The following CDKAL1 variants were observed in gnomAD, a reference collection of about 807,000 sequenced individuals.
CDKAL1 encodes the protein CDKAL1 threonylcarbamoyladenosine tRNA methylthiotransferase.
Under a neutral mutation model 68.2 loss-of-function variants are expected in CDKAL1, and 32 were observed. That is an observed-to-expected ratio of 0.47 (90% CI 0.35 to 0.63). The LOEUF (loss-of-function observed/expected upper bound fraction) is 0.63, where lower values mean the gene tolerates loss of function less well. CDKAL1 is among the 30% of genes least tolerant of loss of function. CDKAL1 has a pLI of 0.00. For synonymous variants in CDKAL1, 234 were observed against 244.3 expected, an observed-to-expected ratio of 0.96 and a Z score of 0.39; for missense variants, 606 against 696.7, an observed-to-expected ratio of 0.87 and a Z score of 1.47.
At chr6:20,554,340 C>A (rs1394695358) in intron 4 of CDKAL1, among the ~76,000 whole-genome samples, 1 of 152,192 alleles carries the variant, frequency 6.6e-6, no homozygotes, top group African/African-American at 2.4e-5. Context: ...TCCAAGTAGG[C>A]AATTTTTATA....
At chr6:20,707,011 A>C (rs1771628834) in intron 5 of CDKAL1, among the ~76,000 whole-genome samples, 1 of 152,104 alleles carries the variant, frequency 6.6e-6, no homozygotes, top group African/African-American at 2.4e-5. Context: ...GACCCTTTTC[A>C]CTGAGTCCTG....
chr6:20,941,262 T>A (rs1043928454), intron 9 of CDKAL1, among the ~76,000 whole-genome samples: 2 of 152,238 alleles, frequency 1.3e-5, no homozygotes, highest in Non-Finnish European at 2.9e-5. Flanking sequence ...TTATTTCTAA[T>A]GCTACTAAAG....
chr6:20,866,179 T>TTGAA (rs1759896990), intron 9 of CDKAL1, among the ~76,000 whole-genome samples: 1 of 152,140 alleles, frequency 6.6e-6, no homozygotes, highest in South Asian at 2.1e-4. Flanking sequence ...CCTTGACAGA[T>TTGAA]TGAACCCAAA....
intron 13 of CDKAL1, among the ~76,000 whole-genome samples, chr6:21,115,219 T>TTTA (rs1338137523): frequency 1.3e-5 from 2 of 152,354 alleles, no homozygotes; most frequent in African/African-American, 4.8e-5. Context: ...CACCCAGCTC[T>TTTA]TTATGTTTGA....
chr6:20,887,963 G>T (rs553254151), intron 9 of CDKAL1, among the ~76,000 whole-genome samples: 1 of 151,622 alleles, frequency 6.6e-6, no homozygotes, highest in Non-Finnish European at 1.5e-5. Flanking sequence ...ATTTTTTTTG[G>T]TGGAACATAA....
At chr6:20,980,472 C>T (rs992113877) in intron 10 of CDKAL1, among the ~76,000 whole-genome samples, 1 of 151,960 alleles carries the variant, frequency 6.6e-6, no homozygotes, top group Non-Finnish European at 1.5e-5. Flanking sequence ...CTCCTGACCT[C>T]GTGATCCGCC....
intron 9 of CDKAL1, among the ~76,000 whole-genome samples, chr6:20,900,847 G>GGT (rs139188918): frequency 0.079 from 11,969 of 152,140 alleles, 541 homozygotes; most frequent in African/African-American, 0.11. Context: ...ATAAACACAT[G>GGT]GTAGAATATT....
rs181841533 is a variant in CDKAL1, at chr6:20,669,663, A to G, written c.371+20286A>G. ...ATTAACTCCATTCACACTGTTACCC[A>G]GTGCTCCTGTATCCTTTTAATATGC... is the stretch of plus-strand genomic sequence containing the variant. On this transcript the variant is annotated intron_variant, in intron 5 of 15. Coordinates refer to ENST00000274695, the MANE Select transcript of CDKAL1 (RefSeq NM_017774.3). Among the ~76,000 whole-genome samples the G allele has an allele frequency of 6.6e-4, 101 of 152,258 alleles. 1 individual carries two copies. Among genetic ancestry groups the G allele is most frequent in the Middle Eastern group, 3.4e-3 (1 of 294 alleles).
intron 8 of CDKAL1, among the ~76,000 whole-genome samples, chr6:20,797,981 T>C (rs751711124): frequency 5.9e-5 from 9 of 151,486 alleles, no homozygotes; most frequent in Admixed American, 1.3e-4. Flanking sequence ...CATGCCTGGC[T>C]ATTTTTGTAT....
At chr6:20,918,829 C>T (rs930988079) in intron 9 of CDKAL1, among the ~76,000 whole-genome samples, 2 of 152,160 alleles carry the variant, frequency 1.3e-5, no homozygotes, top group Admixed American at 1.3e-4. Flanking sequence ...ATTCATCTTC[C>T]TTGTGTTTGT....
chr6:21,153,434 T>G (rs970197536), intron 13 of CDKAL1, among the ~76,000 whole-genome samples: 1 of 152,206 alleles, frequency 6.6e-6, no homozygotes, highest in African/African-American at 2.4e-5. Context: ...GGCAGCTGTT[T>G]AATCATCAAT....
At chr6:21,077,479 A>C (rs1228935104) in intron 12 of CDKAL1, among the ~76,000 whole-genome samples, 1 of 152,212 alleles carries the variant, frequency 6.6e-6, no homozygotes, top group Non-Finnish European at 1.5e-5. Flanking sequence ...GTAGTTTATA[A>C]AGAAAAAAAG....
intron 4 of CDKAL1, among the ~76,000 whole-genome samples, chr6:20,644,255 C>T (rs769099579): frequency 1.3e-5 from 2 of 151,894 alleles, no homozygotes; most frequent in African/African-American, 2.4e-5. Context: ...CAGAGTACAG[C>T]CTGGCACGTA....
intron 2 of CDKAL1, among the ~76,000 whole-genome samples, chr6:20,545,660 G>A (rs895892938): frequency 1.3e-5 from 2 of 152,022 alleles, no homozygotes; most frequent in Non-Finnish European, 2.9e-5. Context: ...GGTCTCAAAC[G>A]CCTGACCTCA....
At chr6:21,129,294 C>G (rs533228469) in intron 13 of CDKAL1, among the ~76,000 whole-genome samples, 347 of 151,784 alleles carry the variant, frequency 2.3e-3, no homozygotes, top group Non-Finnish European at 3.9e-3. Context: ...AAAATATGAC[C>G]AGGGTCCTTC....
chr6:20,810,860 C>T (rs4330530), intron 8 of CDKAL1, among the ~76,000 whole-genome samples: 42,413 of 151,660 alleles, frequency 0.28, 6,527 homozygotes, highest in East Asian at 0.53. Flanking sequence ...TTTTCTCACC[C>T]ACCCTACCCC....
chr6:20,835,022 C>T (rs991843330), intron 8 of CDKAL1, among the ~76,000 whole-genome samples: 7 of 152,070 alleles, frequency 4.6e-5, no homozygotes, highest in African/African-American at 4.8e-5. Context: ...AAAAAGAGTA[C>T]GTACTCTATG....
intron 5 of CDKAL1, among the ~76,000 whole-genome samples, chr6:20,714,453 A>G (rs948414034): frequency 1.4e-5 from 2 of 141,322 alleles, no homozygotes; most frequent in Non-Finnish European, 3.0e-5. Context: ...TAGTGGTACA[A>G]TCATAGTTCA....
chr6:20,745,359 A>G (rs1773621172), intron 6 of CDKAL1, among the ~76,000 whole-genome samples: 1 of 152,216 alleles, frequency 6.6e-6, no homozygotes, highest in Admixed American at 6.5e-5. Flanking sequence ...TGTCACAGTA[A>G]CAGTGGGATC....
Sources: gnomAD v4.1 joint callset for allele counts (sites outside exome capture counted in the v4.1 genomes callset) on GRCh38, gnomAD v4.1.1 for gene constraint, MANE v1.5 for transcripts, NCBI Gene and HGNC (gene_info 2026-07-23, HGNC 2026-07-21) for gene names.